Variants in MYO3B observed in about 807,000 individuals in gnomAD.
MYO3B encodes myosin IIIB, also known as myosin-IIIb.
In MYO3B, 156 loss-of-function variants were observed where a neutral mutation model predicts 174.6. The observed-to-expected ratio is 0.89, with a 90% CI of 0.78 to 1.02. The LOEUF is 1.02. Ranked by LOEUF, MYO3B falls within the 50% of genes least tolerant of loss-of-function variation. The probability of loss-of-function intolerance (pLI) is 0.00; values close to 1 mark genes in which losing one functional copy is unlikely to be tolerated. For synonymous variants in MYO3B, 563 were observed against 569.1 expected, an observed-to-expected ratio of 0.99 and a Z score of 0.15; for missense variants, 1,632 against 1,639.4, an observed-to-expected ratio of 1.00 and a Z score of 0.08.
intron 22 of MYO3B, among the ~76,000 whole-genome samples, chr2:170,413,473 G>C (rs529786709): frequency 6.6e-6 from 1 of 152,144 alleles, no homozygotes; most frequent in Admixed American, 6.5e-5. Flanking sequence ...GAACTGCCGT[G>C]AGTGGTGGGG....
In MYO3B at chr2:170,507,766, T is replaced by C. The variant is rs892307178; in HGVS notation, c.3370+5901T>C. On this transcript the variant is annotated intron_variant, in intron 28 of 34. Transcript: ENST00000408978. ...AATGTCTAGGGGGAAAGCATTGTGGTTTACTTGAGGAAAACATACCTTGTC... is the reference window on the plus strand; with the variant it reads ...AATGTCTAGGGGGAAAGCATTGTGGCTTACTTGAGGAAAACATACCTTGTC... Among the ~76,000 whole-genome samples the C allele has an allele frequency of 7.9e-5, 12 of 152,216 alleles. No homozygotes were observed. In the East Asian group the frequency reaches 2.3e-3, roughly 29 times the overall value.
At chr2:170,603,611 C>T (rs1278569208) in intron 32 of MYO3B, among the ~76,000 whole-genome samples, 1 of 152,160 alleles carries the variant, frequency 6.6e-6, no homozygotes, top group Non-Finnish European at 1.5e-5. Flanking sequence ...CCCAATCCAA[C>T]AGTCTTTGGG....
chr2:170,214,381 G>A lies in MYO3B; in HGVS notation c.324G>A (p.Leu108=). 6.2e-7 allele frequency: 1 copy of A among 1,613,964 alleles called. No homozygotes were observed. Among genetic ancestry groups the A allele is most frequent in the Non-Finnish European group, 8.5e-7 (1 of 1,179,860 alleles). The stretch of plus-strand genomic sequence containing the variant: ...GTGTCTGGCACCTCTTCTTGCAGCT[G>A]TGTAATGGGGGCTCAGTCACTGAGC... The part of the protein sequence containing the change: ...VGGQLWLVLE[L]CNGGSVTELV... The change falls in exon 4 of 35, where the codon CTG becomes CTA. Residue 108 remains leucine (L), a splice_region_variant and synonymous_variant. Coordinates refer to ENST00000408978, the MANE Select transcript of MYO3B (RefSeq NM_138995.5).
At chr2:170,244,645 C>CT (rs995630948) in intron 7 of MYO3B, among the ~76,000 whole-genome samples, 3 of 152,152 alleles carry the variant, frequency 2.0e-5, no homozygotes, top group Non-Finnish European at 4.4e-5. Flanking sequence ...ATCTGGTGAG[C>CT]TTGACTTTCG....
chr2:170,502,284 G>T (rs997074090), intron 28 of MYO3B, among the ~76,000 whole-genome samples: 6 of 152,222 alleles, frequency 3.9e-5, no homozygotes, highest in Non-Finnish European at 5.9e-5. Context: ...TCCCTCGTCT[G>T]TTAAATGAGA....
intron 32 of MYO3B, among the ~76,000 whole-genome samples, chr2:170,557,659 T>A (rs1691423157): frequency 6.6e-6 from 1 of 152,112 alleles, no homozygotes; most frequent in Non-Finnish European, 1.5e-5. Flanking sequence ...CTTGTGAAAT[T>A]TATATTCTGA....
chr2:170,562,992 C>G (rs1193730007), intron 32 of MYO3B, among the ~76,000 whole-genome samples: 1 of 151,086 alleles, frequency 6.6e-6, no homozygotes, highest in African/African-American at 2.4e-5. Flanking sequence ...TGCAGATAAA[C>G]AGAAATTGAC....
intron 14 of MYO3B, among the ~76,000 whole-genome samples, 156 bp downstream of exon 14, chr2:170,387,464 T>C (rs1447806191): frequency 6.6e-6 from 1 of 152,202 alleles, no homozygotes; most frequent in East Asian, 1.9e-4. Flanking sequence ...TGGTAGTTTT[T>C]GACCTAAAAG....
chr2:170,484,462 A>G (rs1404734167), intron 25 of MYO3B, among the ~76,000 whole-genome samples: 1 of 152,232 alleles, frequency 6.6e-6, no homozygotes, highest in Non-Finnish European at 1.5e-5. Flanking sequence ...AATTAATTTG[A>G]GTAAATCCAG....
chr2:170,611,581 A>G (rs1695129815), intron 32 of MYO3B, among the ~76,000 whole-genome samples: 1 of 152,206 alleles, frequency 6.6e-6, no homozygotes, highest in Non-Finnish European at 1.5e-5. Context: ...TTTCTCCTTG[A>G]AAGTTATATT....
intron 32 of MYO3B, among the ~76,000 whole-genome samples, chr2:170,578,574 TTAC>T (rs1175630075): frequency 1.3e-5 from 2 of 152,368 alleles, no homozygotes; most frequent in East Asian, 3.9e-4. Context: ...CTAATTTTAA[TTAC>T]TACTAAAATT....
At position 170,368,844 on chromosome 2, in the gene MYO3B, G is replaced by A. The variant is rs748055671; in HGVS notation, c.816-378G>A. Among the ~76,000 whole-genome samples, 35 of 152,006 alleles carry A rather than the reference G, an allele frequency of 2.3e-4. 1 individual carries two copies. Among genetic ancestry groups the A allele is most frequent in the South Asian group, 4.2e-4 (2 of 4,814 alleles). On this transcript the variant is annotated intron_variant, in intron 8 of 34. Coordinates refer to ENST00000408978, the MANE Select transcript of MYO3B (RefSeq NM_138995.5). ...TTGAGGTGATAGTATTTAATTCTAC[G>A]TATTTCTAAAAGAAAGTATACATAC...
At chr2:170,613,223 A>G (rs1474633732) in intron 32 of MYO3B, among the ~76,000 whole-genome samples, 2 of 152,124 alleles carry the variant, frequency 1.3e-5, no homozygotes, top group Non-Finnish European at 2.9e-5. Flanking sequence ...ACAACCTCCC[A>G]TCAACTTCTG....
intron 8 of MYO3B, among the ~76,000 whole-genome samples, chr2:170,364,237 G>T (rs181529471): frequency 2.3e-4 from 35 of 152,178 alleles, no homozygotes; most frequent in African/African-American, 8.0e-4. Flanking sequence ...AAACAAAAAG[G>T]TCTCTGTGGC....
At chr2:170,268,684 GATAA>G in intron 7 of MYO3B, among the ~76,000 whole-genome samples, 1 of 152,050 alleles carries the variant, frequency 6.6e-6, no homozygotes, top group East Asian at 1.9e-4. Flanking sequence ...ACATAAAACT[GATAA>G]ATAATGTGAT....
intron 25 of MYO3B, among the ~76,000 whole-genome samples, chr2:170,491,346 A>G (rs1686453378): frequency 6.6e-6 from 1 of 152,192 alleles, no homozygotes; most frequent in Non-Finnish European, 1.5e-5. Context: ...TTTTCCAGAT[A>G]TCTTTCTGTT....
intron 32 of MYO3B, among the ~76,000 whole-genome samples, chr2:170,556,380 TA>T (rs1389735143): frequency 6.6e-6 from 1 of 152,190 alleles, no homozygotes; most frequent in Non-Finnish European, 1.5e-5. Context: ...GATTGTGTGG[TA>T]AGAGTATGTT....
chr2:170,596,949 A>G (rs1182377461), intron 32 of MYO3B, among the ~76,000 whole-genome samples: 1 of 152,018 alleles, frequency 6.6e-6, no homozygotes, highest in Non-Finnish European at 1.5e-5. Context: ...CTGTCTACAC[A>G]TTTTTCTGCT....
At chr2:170,371,441 A>G (rs996028783) in intron 9 of MYO3B, among the ~76,000 whole-genome samples, 16 of 151,756 alleles carry the variant, frequency 1.1e-4, no homozygotes, top group African/African-American at 3.6e-4. Context: ...AAAAAATACA[A>G]CCTCACAAAT....
Sources: allele counts gnomAD v4.1 joint callset (sites outside exome capture counted in the v4.1 genomes callset), GRCh38; gene constraint gnomAD v4.1.1; transcripts MANE v1.5; gene names NCBI Gene and HGNC (gene_info 2026-07-23, HGNC 2026-07-21).